The following CREB5 variants were observed in gnomAD, a reference collection of about 807,000 sequenced individuals.
The protein encoded by CREB5 is cyclic AMP-responsive element-binding protein 5.
Under a neutral mutation model 57.1 loss-of-function variants are expected in CREB5, and 19 were observed. The observed-to-expected ratio is 0.33, with a 90% CI of 0.23 to 0.49. The LOEUF (loss-of-function observed/expected upper bound fraction) is 0.49. CREB5 is among the 20% of genes least tolerant of loss of function. The pLI, the probability that CREB5 is intolerant of heterozygous loss-of-function variation, is 0.99. For synonymous variants in CREB5, 238 were observed against 238.3 expected, an observed-to-expected ratio of 1.00 and a Z score of 0.01; for missense variants, 579 against 671.6, an observed-to-expected ratio of 0.86 and a Z score of 1.52.
At chr7:28,785,197 G>A (rs1204800607) in intron 7 of CREB5, among the ~76,000 whole-genome samples, 1 of 152,198 alleles carries the variant, frequency 6.6e-6, no homozygotes, top group African/African-American at 2.4e-5. Flanking sequence ...TCACTCTGTG[G>A]TGTGGAGACC....
chr7:28,782,602 A>G (rs1807052824), intron 7 of CREB5, among the ~76,000 whole-genome samples: 1 of 152,204 alleles, frequency 6.6e-6, no homozygotes, highest in African/African-American at 2.4e-5. Flanking sequence ...TGTGAATAGG[A>G]AGAGGGAATT....
At chr7:28,691,893 G>A (rs1481834930) in intron 5 of CREB5, among the ~76,000 whole-genome samples, 1 of 151,942 alleles carries the variant, frequency 6.6e-6, no homozygotes, top group Non-Finnish European at 1.5e-5. Flanking sequence ...CTGTGGCTGG[G>A]CGTGGTGGCT....
At chr7:28,370,274 C>T (rs995063525) in intron 1 of CREB5, among the ~76,000 whole-genome samples, 1 of 152,196 alleles carries the variant, frequency 6.6e-6, no homozygotes, top group Non-Finnish European at 1.5e-5. Context: ...AGGCCTCTAC[C>T]ACTCACTGCT....
chr7:28,521,552 G>A (rs148550224), intron 4 of CREB5, among the ~76,000 whole-genome samples: 1 of 152,100 alleles, frequency 6.6e-6, no homozygotes, highest in African/African-American at 2.4e-5. Flanking sequence ...TTATTATCTT[G>A]CCAAAATTCA....
chr7:28,474,561 G>GT (rs1412327155), intron 1 of CREB5, among the ~76,000 whole-genome samples: 2 of 152,178 alleles, frequency 1.3e-5, no homozygotes, highest in Admixed American at 6.5e-5. Flanking sequence ...TGTGTGAGTG[G>GT]TTTTTTCTGT....
chr7:28,715,721 G>T (rs1480571939), intron 5 of CREB5, among the ~76,000 whole-genome samples: 3 of 152,116 alleles, frequency 2.0e-5, no homozygotes, highest in South Asian at 2.1e-4. Context: ...CTGCTGGTTT[G>T]GTAGGTGGGG....
intron 7 of CREB5, among the ~76,000 whole-genome samples, chr7:28,732,917 G>C (rs544635890): frequency 9.7e-4 from 146 of 150,364 alleles, no homozygotes; most frequent in African/African-American, 3.5e-3. Flanking sequence ...TTCCCTTTTG[G>C]TATCCTTTTA....
chr7:28,515,508 C>T (rs62449889), intron 4 of CREB5, among the ~76,000 whole-genome samples: 18,973 of 152,072 alleles, frequency 0.12, 1,522 homozygotes, highest in South Asian at 0.25. Context: ...TTGAACATAC[C>T]ACTGCTATTC....
intron 8 of CREB5, among the ~76,000 whole-genome samples, chr7:28,808,538 T>C (rs764076899): frequency 4.4e-4 from 67 of 152,028 alleles, no homozygotes; most frequent in Non-Finnish European, 8.8e-4. Flanking sequence ...GTTGTTCATT[T>C]GTTTTTGTTT....
At chr7:28,662,414 G>A (rs894821140) in intron 5 of CREB5, among the ~76,000 whole-genome samples, 1 of 152,164 alleles carries the variant, frequency 6.6e-6, no homozygotes. Flanking sequence ...AGTTCCAAAC[G>A]CAATGTGGGT....
chr7:28,773,267 G>A (rs2128777962), intron 7 of CREB5, among the ~76,000 whole-genome samples: 1 of 151,964 alleles, frequency 6.6e-6, no homozygotes, highest in East Asian at 1.9e-4. Context: ...TTTTTTCAAA[G>A]CTAGGACCAA....
chr7:28,378,297 ATTT>A (rs34363769), intron 1 of CREB5, among the ~76,000 whole-genome samples: 1 of 150,684 alleles, frequency 6.6e-6, no homozygotes, highest in Non-Finnish European at 1.5e-5. Context: ...AACTCCTGGG[ATTT>A]TTTTTTTTCT....
intron 1 of CREB5, among the ~76,000 whole-genome samples, chr7:28,344,840 T>G (rs535035528): frequency 1.3e-5 from 2 of 152,188 alleles, no homozygotes; most frequent in East Asian, 3.9e-4. Context: ...ATGGTAATCA[T>G]AAGAGAGCAG....
chr7:28,631,085 T>C (rs1798184048), intron 5 of CREB5, among the ~76,000 whole-genome samples: 1 of 152,172 alleles, frequency 6.6e-6, no homozygotes. Flanking sequence ...CCAGTGGGAC[T>C]CAGAGACGTA....
intron 3 of CREB5, among the ~76,000 whole-genome samples, chr7:28,505,155 G>C (rs1198856926): frequency 1.3e-5 from 2 of 152,178 alleles, no homozygotes; most frequent in Non-Finnish European, 2.9e-5. Context: ...ATGAGATGCT[G>C]TATGCAAAGC....
At chr7:28,668,360 T>C (rs1351178877) in intron 5 of CREB5, among the ~76,000 whole-genome samples, 2 of 152,246 alleles carry the variant, frequency 1.3e-5, no homozygotes. Flanking sequence ...TTCCATTGTC[T>C]GGGTTTTGTA....
chr7:28,561,017 CGTGTGTGCGTGTGTGTGTGTGTGTGTGA>C (rs1795245479), intron 4 of CREB5, among the ~76,000 whole-genome samples: 11 of 30,480 alleles, frequency 3.6e-4, no homozygotes, highest in African/African-American at 1.3e-3. Context: ...TGTGTGTGTG[CGTGTGTGCGTGTGTGTGTGTGTGTGTGA>C]AGGTATTTTT....
At chr7:28,737,563 A>ATG (rs1804081055) in intron 7 of CREB5, among the ~76,000 whole-genome samples, 2 of 126,170 alleles carry the variant, frequency 1.6e-5, no homozygotes, top group African/African-American at 5.8e-5. Context: ...ATATATATAT[A>ATG]TATATATATA....
intron 1 of CREB5, among the ~76,000 whole-genome samples, chr7:28,371,666 C>A (rs751155131): frequency 2.6e-5 from 4 of 152,160 alleles, no homozygotes; most frequent in African/African-American, 4.8e-5. Flanking sequence ...AGGACGGAGG[C>A]TGCCAGGTTG....
Sources: gnomAD v4.1 joint callset for allele counts (sites outside exome capture counted in the v4.1 genomes callset) on GRCh38, gnomAD v4.1.1 for gene constraint, MANE v1.5 for transcripts, NCBI Gene and HGNC (gene_info 2026-07-23, HGNC 2026-07-21) for gene names.